OSBP2: variants seen among roughly 807,000 people sequenced by gnomAD.
The protein encoded by OSBP2 is oxysterol-binding protein 2.
Under a neutral mutation model 96.0 loss-of-function variants are expected in OSBP2, and 66 were observed. That is an observed-to-expected ratio of 0.69 (90% CI 0.56 to 0.84). The LOEUF is 0.84. OSBP2 is among the 40% of genes least tolerant of loss of function. OSBP2 has a pLI of 0.00. For synonymous variants in OSBP2, 525 were observed against 520.9 expected (o/e 1.01, Z -0.11); for missense variants, 1,038 against 1,222.7 (o/e 0.85, Z 2.25).
chr22:30,711,988 C>A (rs927988062), intron 1 of OSBP2, among the ~76,000 whole-genome samples: 4 of 152,214 alleles, frequency 2.6e-5, no homozygotes, highest in East Asian at 1.9e-4. Context: ...ATACATCTCT[C>A]CCAGAGGTAC....
At chr22:30,762,825 G>T (rs888242711) in intron 2 of OSBP2, among the ~76,000 whole-genome samples, 1 of 152,216 alleles carries the variant, frequency 6.6e-6, no homozygotes, top group Non-Finnish European at 1.5e-5. Flanking sequence ...TTGCTCCTTG[G>T]CTCAGCCCCT....
At chr22:30,824,042 GT>G (rs1307553468) in intron 2 of OSBP2, among the ~76,000 whole-genome samples, 1 of 152,204 alleles carries the variant, frequency 6.6e-6, no homozygotes, top group Non-Finnish European at 1.5e-5. Context: ...GTCTGGAAGT[GT>G]TAACAAGGAG....
At chr22:30,699,086 C>T (rs567068876) in intron 1 of OSBP2, among the ~76,000 whole-genome samples, 2 of 152,088 alleles carry the variant, frequency 1.3e-5, no homozygotes, top group African/African-American at 2.4e-5. Context: ...GGATCACAAG[C>T]GTGTGCTACC....
chr22:30,858,127 TTTTGTTTGTTTG>T (rs571615164), intron 2 of OSBP2, among the ~76,000 whole-genome samples: 2 of 131,834 alleles, frequency 1.5e-5, no homozygotes, highest in South Asian at 2.4e-4. Context: ...TTTGTTTTTT[TTTTGTTTGTTTG>T]TTTGTTTGTT....
At position 30,741,219 on chromosome 22, in the gene OSBP2, A is replaced by G; in HGVS notation, c.703A>G (p.Ile235Val). The G allele has an allele frequency of 6.2e-7, 1 of 1,614,184 alleles. No homozygotes were observed. Residue 235 changes from isoleucine (I) to valine (V), a missense_variant, in exon 2 of 14, where the codon ATT becomes GTT. Coordinates refer to ENST00000332585, the MANE Select transcript of OSBP2 (RefSeq NM_030758.4). The part of the protein sequence containing the change: ...RGTINLSTAH[I>V]DTEDSCGILL... ...AACCATCAACCTGTCCACCGCGCAC[A>G]TTGACACGGAGGACTCTTGTGGTAT...
chr22:30,762,594 G>A (rs988150630), intron 2 of OSBP2, among the ~76,000 whole-genome samples: 5 of 152,022 alleles, frequency 3.3e-5, no homozygotes, highest in Admixed American at 6.6e-5. Context: ...CTCCTCTTGC[G>A]CTCTAGACCC....
At chr22:30,721,637 A>G (rs949523997) in intron 1 of OSBP2, among the ~76,000 whole-genome samples, 2 of 152,096 alleles carry the variant, frequency 1.3e-5, no homozygotes, top group African/African-American at 4.8e-5. Context: ...ACATAAGACC[A>G]TTTCATCTAT....
intron 2 of OSBP2, among the ~76,000 whole-genome samples, chr22:30,839,427 G>A (rs865968620): frequency 0.058 from 7,244 of 124,880 alleles, 336 homozygotes; most frequent in Non-Finnish European, 0.084. Context: ...TCGCCACACT[G>A]ACTTCCACAA....
chr22:30,832,322 G>A (rs1348120611), intron 2 of OSBP2, among the ~76,000 whole-genome samples: 1 of 149,562 alleles, frequency 6.7e-6, no homozygotes, highest in Non-Finnish European at 1.5e-5. Flanking sequence ...AAGATACAAA[G>A]TCTCGTTTTG....
chr22:30,875,380 T>C (rs933489831), intron 3 of OSBP2, among the ~76,000 whole-genome samples: 4 of 151,950 alleles, frequency 2.6e-5, no homozygotes, highest in African/African-American at 9.7e-5. Flanking sequence ...GTTGTTTTTT[T>C]TTTTTCTTTG....
intron 2 of OSBP2, among the ~76,000 whole-genome samples, chr22:30,752,678 G>A (rs1177413436): frequency 6.6e-6 from 1 of 152,054 alleles, no homozygotes; most frequent in African/African-American, 2.4e-5. Context: ...TTAAAAAGGT[G>A]CCACACTCTT....
At chr22:30,779,369 G>T (rs2090482802) in intron 2 of OSBP2, among the ~76,000 whole-genome samples, 3 of 151,754 alleles carry the variant, frequency 2.0e-5, no homozygotes, top group Admixed American at 2.0e-4. Flanking sequence ...CCAAAGTGCT[G>T]GGATTACAGG....
intron 2 of OSBP2, among the ~76,000 whole-genome samples, chr22:30,751,818 A>G (rs1569108791): frequency 1.3e-5 from 2 of 152,218 alleles, no homozygotes; most frequent in Non-Finnish European, 2.9e-5. Context: ...TACTGTCTTC[A>G]AACAACTTAT....
At chr22:30,697,580 T>C (rs549910453) in intron 1 of OSBP2, among the ~76,000 whole-genome samples, 1 of 152,354 alleles carries the variant, frequency 6.6e-6, no homozygotes, top group Admixed American at 6.5e-5. Context: ...GGTTGACATT[T>C]CAGAGTGATC....
intron 2 of OSBP2, among the ~76,000 whole-genome samples, chr22:30,864,493 A>T (rs2039288102): frequency 6.6e-6 from 1 of 152,186 alleles, no homozygotes; most frequent in Non-Finnish European, 1.5e-5. Context: ...GGGTCTCTGC[A>T]TGCAGCACTG....
chr22:30,850,708 A>G (rs1422129573), intron 2 of OSBP2, among the ~76,000 whole-genome samples: 4 of 152,150 alleles, frequency 2.6e-5, no homozygotes, highest in Non-Finnish European at 4.4e-5. Flanking sequence ...CATGTTGGCC[A>G]TGCTGGTCTT....
upstream of OSBP2, chr22:30,693,869 G>A (rs1012875528): frequency 3.4e-5 from 19 of 554,110 alleles, no homozygotes; most frequent in Admixed American, 3.4e-4. Context: ...GGAGGCCAAG[G>A]CAGGAGAATC....
At chr22:30,818,791 C>G (rs1251391803) in intron 2 of OSBP2, among the ~76,000 whole-genome samples, 1 of 152,196 alleles carries the variant, frequency 6.6e-6, no homozygotes, top group Non-Finnish European at 1.5e-5. Flanking sequence ...GCAGGAGCAG[C>G]AGCCCAGGTG....
intron 2 of OSBP2, among the ~76,000 whole-genome samples, chr22:30,790,654 A>T (rs1404866091): frequency 4.4e-5 from 2 of 45,296 alleles, no homozygotes; most frequent in East Asian, 5.0e-4. Context: ...AAACTGCATT[A>T]AAAAAAAAAA....
Sources: gnomAD v4.1 joint callset for allele counts (sites outside exome capture counted in the v4.1 genomes callset) on GRCh38, gnomAD v4.1.1 for gene constraint, MANE v1.5 for transcripts, NCBI Gene and HGNC (gene_info 2026-07-23, HGNC 2026-07-21) for gene names.